Variants in ZNF280D observed in about 807,000 individuals in gnomAD.
ZNF280D encodes suppressor of hairy wing homolog 4.
A neutral mutation model predicts 94.7 loss-of-function variants in ZNF280D; 39 were observed. The observed-to-expected ratio is 0.41, with a 90% confidence interval of 0.32 to 0.54. ZNF280D has a LOEUF of 0.54. ZNF280D is among the 20% of genes least tolerant of loss of function. The pLI is 0.22. For synonymous variants in ZNF280D, 398 were observed against 377.6 expected (o/e 1.05, Z -0.63); for missense variants, 1,090 against 1,149.3 (o/e 0.95, Z 0.75).
In ZNF280D at chr15:56,654,212, A is replaced by T. The variant is rs759544394; in HGVS notation, c.2199T>A (p.Ser733=). Residue 733 remains serine, a synonymous_variant, in exon 19 of 22, where the codon TCT becomes TCA. Transcript: ENST00000267807. The part of the protein sequence containing the change: ...MQKVSVCIPT[S]EHLSELKKEA... ...ATTAAACTTACTCAGAAAGGTGCTC[A>T]GAAGTTGGGATACAAACAGAAACTG... is the stretch of plus-strand genomic sequence containing the variant. 1.2e-6 allele frequency: 2 copies of T among 1,611,086 alleles called. No individual in the cohort carries two copies. The highest frequency in any genetic ancestry group is 2.2e-5 in the South Asian group (2 of 89,810).
chr15:56,639,276 C>G (rs1480844606), intron 20 of ZNF280D, among the ~76,000 whole-genome samples: 2 of 147,366 alleles, frequency 1.4e-5, no homozygotes, highest in Non-Finnish European at 3.0e-5. Flanking sequence ...AAATAACATA[C>G]AATTAAATGA....
chr15:56,667,630 C>T (rs999827745), intron 14 of ZNF280D, among the ~76,000 whole-genome samples: 2 of 152,128 alleles, frequency 1.3e-5, no homozygotes, highest in Non-Finnish European at 1.5e-5. Flanking sequence ...CAAGTGCCTA[C>T]CAACATTCTG....
Position 56,701,025 on chromosome 15 carries a change from T to C in ZNF280D, c.289A>G (p.Thr97Ala), listed in dbSNP as rs1220549165. The C allele has an allele frequency of 6.2e-7, 1 of 1,613,830 alleles. No individual in the cohort carries two copies. Among genetic ancestry groups the C allele is most frequent in the Non-Finnish European group, 8.5e-7 (1 of 1,179,858 alleles). Residue 97 changes from threonine (T) to alanine (A), a missense_variant, in exon 6 of 22, where the codon ACA becomes GCA. Transcript: ENST00000267807. ...KPTSQHYTNP[T>A]SNPVPASPIN... ...GGTGAGGCAGGCACTGGATTTGATGTTGGATTCGTGTAGTGTTGACTTGTA... is the reference window on the plus strand; with the variant it reads ...GGTGAGGCAGGCACTGGATTTGATGCTGGATTCGTGTAGTGTTGACTTGTA...
At chr15:56,662,157 A>G (rs908857071) in intron 16 of ZNF280D, among the ~76,000 whole-genome samples, 2 of 152,194 alleles carry the variant, frequency 1.3e-5, no homozygotes, top group Admixed American at 6.5e-5. Context: ...TGCTTCTTAT[A>G]CATCATTTTG....
chr15:56,683,805 G>A (rs573333038), intron 9 of ZNF280D, among the ~76,000 whole-genome samples: 3 of 152,192 alleles, frequency 2.0e-5, no homozygotes, highest in Non-Finnish European at 2.9e-5. Flanking sequence ...TCCACAAATT[G>A]GTTTATCATT....
chr15:56,653,743 T>A (rs1227123665), intron 19 of ZNF280D: 7 of 1,304,490 alleles, frequency 5.4e-6, no homozygotes, highest in Non-Finnish European at 6.8e-6. Context: ...GAATCTATTA[T>A]TCTGAAGGCA....
intron 13 of ZNF280D, among the ~76,000 whole-genome samples, chr15:56,675,604 TTAGAA>T (rs2055177121): frequency 6.6e-6 from 1 of 152,008 alleles, no homozygotes; most frequent in Non-Finnish European, 1.5e-5. Flanking sequence ...TGGGGAAACC[TTAGAA>T]TAGATCTTGC....
chr15:56,689,129 T>C lies in ZNF280D; in HGVS notation c.692A>G (p.Gln231Arg). The change falls in exon 9 of 22, where the codon CAG becomes CGG. Residue 231 changes from glutamine to arginine, a missense_variant. By Grantham distance (43) the Gln-to-Arg change is conservative. Coordinates refer to ENST00000267807, the MANE Select transcript of ZNF280D (RefSeq NM_017661.4). ...TGGAAAAGGTGTTCCATTTTTAGAC[T>C]GATTTGATGAGGTATTTGTACCTAA... The part of the protein sequence containing the change: ...LAKGTNTSSN[Q>R]SKNGTPFPRA... 1 of 1,609,214 alleles carries C rather than the reference T, an allele frequency of 6.2e-7. No individual in the cohort carries two copies. The highest frequency in any genetic ancestry group is 8.5e-7 in the Non-Finnish European group (1 of 1,178,022).
rs145870878 is a variant in ZNF280D at position 56,709,469 on chromosome 15, G to T, written c.-85-2163C>A. Among the ~76,000 whole-genome samples the T allele has an allele frequency of 6.9e-3, 1,058 of 152,232 alleles. 17 individuals are homozygous for T. Among genetic ancestry groups the T allele is most frequent in the African/African-American group, 0.024 (999 of 41,522 alleles). On this transcript the variant is annotated intron_variant, in intron 1 of 21. Transcript: ENST00000267807. Reference sequence around the variant, plus strand: ...AGTGTGGCGATTCCTCAAGGATCTAGTACTAGAAATACCATTTGACCCAGC... The same window carrying T: ...AGTGTGGCGATTCCTCAAGGATCTATTACTAGAAATACCATTTGACCCAGC...
chr15:56,724,702 G>C (rs745791307), intron 1 of ZNF280D: 1 of 239,272 alleles, frequency 4.2e-6, no homozygotes, highest in Non-Finnish European at 8.6e-6. Context: ...GATGGAATAC[G>C]GTAACTGTGA....
At chr15:56,702,567 C>T (rs1202890739) in intron 4 of ZNF280D, among the ~76,000 whole-genome samples, 1 of 152,112 alleles carries the variant, frequency 6.6e-6, no homozygotes, top group Non-Finnish European at 1.5e-5. Flanking sequence ...TATAAATTCA[C>T]CTTGAATCTT....
chr15:56,634,431 A>G (rs1185504066), intron 21 of ZNF280D, among the ~76,000 whole-genome samples: 1 of 152,172 alleles, frequency 6.6e-6, no homozygotes, highest in Non-Finnish European at 1.5e-5. Flanking sequence ...TTTTGTTAAC[A>G]TTCCCCCAAG....
At chr15:56,733,389 G>A (rs1472154667) in intron 1 of ZNF280D, 69 bp downstream of exon 1, 4 of 925,880 alleles carry the variant, frequency 4.3e-6, no homozygotes, top group Non-Finnish European at 3.9e-6. Context: ...GGAGTGAGGC[G>A]GCGCAGGCCG....
In ZNF280D at chr15:56,733,376, C is replaced by G. The variant is rs997012209; in HGVS notation, c.-86+82G>C. On this transcript the variant is annotated intron_variant, in intron 1 of 21. Coordinates refer to ENST00000267807, the MANE Select transcript of ZNF280D (RefSeq NM_017661.4). The stretch of plus-strand genomic sequence containing the variant: ...GCCTCAAGACCCCCAGTCCAGCGCC[C>G]CCGGAGTGAGGCGGCGCAGGCCGCG... The G allele has an allele frequency of 1.4e-5, 12 of 844,242 alleles. No individual in the cohort carries two copies. The East Asian group carries it at 1.4e-3, about 96-fold the overall frequency. The allele number at this position is 844,242 out of a possible 1,614,324, so 52.3% of individuals were successfully genotyped here.
At chr15:56,716,288 G>A (rs1315179614) in intron 1 of ZNF280D, among the ~76,000 whole-genome samples, 1 of 152,012 alleles carries the variant, frequency 6.6e-6, no homozygotes, top group Non-Finnish European at 1.5e-5. Flanking sequence ...GTGCTATGAA[G>A]GTTATGAACC....
intron 1 of ZNF280D, among the ~76,000 whole-genome samples, chr15:56,725,217 T>C (rs751146685): frequency 6.6e-6 from 1 of 151,750 alleles, no homozygotes; most frequent in Non-Finnish European, 1.5e-5. Flanking sequence ...CTAGTCAAAA[T>C]GCGTATCAAC....
At chr15:56,632,900 AC>A (rs1297045820) in intron 21 of ZNF280D, among the ~76,000 whole-genome samples, 3 of 152,116 alleles carry the variant, frequency 2.0e-5, no homozygotes, top group East Asian at 1.9e-4. Context: ...TAAAAAAAAA[AC>A]ACATGCCTGA....
chr15:56,642,692 C>T (rs2140557270), intron 20 of ZNF280D, among the ~76,000 whole-genome samples: 1 of 151,762 alleles, frequency 6.6e-6, no homozygotes, highest in Non-Finnish European at 1.5e-5. Flanking sequence ...AATTTATCTC[C>T]ATTACTCACT....
At chr15:56,694,393 G>T (rs1249701756) in intron 6 of ZNF280D, among the ~76,000 whole-genome samples, 1 of 150,592 alleles carries the variant, frequency 6.6e-6, no homozygotes, top group African/African-American at 2.4e-5. Flanking sequence ...TGGACGGTAA[G>T]CTCTCAGAGT....
Sources: gnomAD v4.1 joint callset for allele counts (sites outside exome capture counted in the v4.1 genomes callset) on GRCh38, gnomAD v4.1.1 for gene constraint, MANE v1.5 for transcripts, NCBI Gene and HGNC (gene_info 2026-07-23, HGNC 2026-07-21) for gene names.